GNL2: variants seen among roughly 807,000 people sequenced by gnomAD.
The protein encoded by GNL2 is G protein nucleolar 2.
Under a neutral mutation model 92.3 loss-of-function variants are expected in GNL2, and 51 were observed. The ratio of observed to expected loss-of-function variants is 0.55; its 90% CI spans 0.44 to 0.70. The LOEUF (loss-of-function observed/expected upper bound fraction) is 0.70. Among genes scored for constraint, GNL2 ranks in the 30% least tolerant of loss-of-function variants. The probability of loss-of-function intolerance (pLI) is 0.00; values close to 1 mark genes in which losing one functional copy is unlikely to be tolerated. For missense variants in GNL2, 844 were observed against 895.6 expected, an observed-to-expected ratio of 0.94 and a Z score of 0.74; for synonymous variants, 283 against 300.6, an observed-to-expected ratio of 0.94 and a Z score of 0.61.
At chr1:37,581,385 C>G (rs554259713) in intron 8 of GNL2, 3 of 455,952 alleles carry the variant, frequency 6.6e-6, no homozygotes, top group African/African-American at 6.0e-5. Flanking sequence ...TCTGGTTCCA[C>G]GGCTTCCCTC....
Position 37,588,827 on chromosome 1 carries a change from T to C in GNL2, c.385-1332A>G, listed in dbSNP as rs3766278. Among the ~76,000 whole-genome samples, 16 of 152,310 alleles carry C rather than the reference T, an allele frequency of 1.1e-4. No homozygotes were observed. The East Asian group carries it at 3.1e-3, about 29-fold the overall frequency. On this transcript the variant is annotated intron_variant, in intron 4 of 15. Coordinates refer to ENST00000373062, the MANE Select transcript of GNL2 (RefSeq NM_013285.3). ...TCTCAGAATTAGATTTTATAAGTAA[T>C]AGATATTACACTAAAATAAAATAGT...
intron 1 of GNL2, 115 bp downstream of exon 1, chr1:37,595,644 C>A: frequency 1.2e-6 from 1 of 846,918 alleles, no homozygotes; most frequent in Non-Finnish European, 2.0e-6. Flanking sequence ...CCACCCCGCT[C>A]GTAGTCATTC....
intron 4 of GNL2, among the ~76,000 whole-genome samples, chr1:37,590,474 T>C (rs563609686): frequency 1.1e-4 from 17 of 152,312 alleles, no homozygotes; most frequent in East Asian, 3.9e-4. Flanking sequence ...CAGGAAGGGA[T>C]AGAGCAAGGA....
At chr1:37,584,050 A>T (rs1643814007) in intron 5 of GNL2, 117 bp from the exon 6 acceptor site, 1 of 690,766 alleles carries the variant, frequency 1.4e-6, no homozygotes, top group African/African-American at 1.8e-5. Context: ...GAGATGGACC[A>T]GAAACAAACT....
intron 5 of GNL2, among the ~76,000 whole-genome samples, chr1:37,585,815 T>C (rs1192152802): frequency 1.3e-5 from 2 of 152,160 alleles, no homozygotes; most frequent in Middle Eastern, 3.2e-3. Context: ...GGACAATGCC[T>C]CTTCACTAAG....
intron 11 of GNL2, 86 bp downstream of exon 11, chr1:37,574,579 T>G: frequency 7.1e-7 from 1 of 1,403,796 alleles, no homozygotes; most frequent in East Asian, 2.3e-5. Context: ...ACACTGCTCA[T>G]ACATGCATAC....
At position 37,579,799 on chromosome 1, in the gene GNL2, G is replaced by A. The variant is rs537738392; in HGVS notation, c.909+2424C>T. Among the ~76,000 whole-genome samples, 3 of 149,906 alleles carry A rather than the reference G, an allele frequency of 2.0e-5. No homozygotes were observed. The East Asian group carries it at 5.9e-4, about 29-fold the overall frequency. ...CAGTCCCAGCTACTCGGGAGGCTGA[G>A]GCAGGAGAATCGCTTAAACCCGGGA... On this transcript the variant is annotated intron_variant, in intron 8 of 15. Coordinates refer to ENST00000373062, the MANE Select transcript of GNL2 (RefSeq NM_013285.3).
At chr1:37,583,508 G>C (rs1325534325) in intron 6 of GNL2, among the ~76,000 whole-genome samples, 1 of 152,180 alleles carries the variant, frequency 6.6e-6, no homozygotes, top group Non-Finnish European at 1.5e-5. Flanking sequence ...AACCTTTCTA[G>C]ACAGGAGTCC....
chr1:37,590,598 A>G (rs763066409), intron 4 of GNL2, 108 bp downstream of exon 4: 78 of 903,974 alleles, frequency 8.6e-5, no homozygotes, highest in Non-Finnish European at 1.3e-4. Flanking sequence ...TCATTGCTAC[A>G]TTAAAGTCAC....
chr1:37,572,400 C>T (rs1033240873), intron 12 of GNL2, among the ~76,000 whole-genome samples: 1 of 152,132 alleles, frequency 6.6e-6, no homozygotes, highest in Non-Finnish European at 1.5e-5. Context: ...ATGGGGGATG[C>T]GCTGGTCACC....
chr1:37,576,514 A>C lies in GNL2; in HGVS notation c.952T>G (p.Tyr318Asp). 1 of 1,614,102 alleles carries C rather than the reference A, an allele frequency of 6.2e-7. No individual in the cohort carries two copies. Among genetic ancestry groups the C allele is most frequent in the Non-Finnish European group, 8.5e-7 (1 of 1,179,896 alleles). ...KKQISVGFIG[Y>D]PNVGKSSVIN... is the part of the protein sequence containing the mutation. ...ACAGAGCTCTTGCCAACATTTGGAT[A>C]GCCAATGAACCCAACACTGATCTGT... Residue 318 changes from tyrosine to aspartate, a missense_variant, in exon 9 of 16, where the codon TAT (tyrosine) becomes GAT (aspartate). Coordinates refer to ENST00000373062, the MANE Select transcript of GNL2 (RefSeq NM_013285.3).
At chr1:37,577,460 A>G (rs1375298454) in intron 8 of GNL2, among the ~76,000 whole-genome samples, 2 of 152,186 alleles carry the variant, frequency 1.3e-5, no homozygotes, top group African/African-American at 4.8e-5. Flanking sequence ...CTCCACTAGA[A>G]TGACAGCAGT....
intron 12 of GNL2, among the ~76,000 whole-genome samples, chr1:37,571,859 G>GATACGGACATCCAGAATGACCCT (rs1643598984): frequency 6.6e-6 from 1 of 152,106 alleles, no homozygotes; most frequent in Non-Finnish European, 1.5e-5. Context: ...AGACAGCAGT[G>GATACGGACATCCAGAATGACCCT]ATACGGACAT....
chr1:37,570,962 T>A (rs1392643543), intron 12 of GNL2: 3 of 152,206 alleles, frequency 2.0e-5, no homozygotes, highest in Non-Finnish European at 4.4e-5. Flanking sequence ...TTAAAAGTGA[T>A]GTTCTAAAGT....
rs754023335 is a variant in GNL2, at chr1:37,568,837, G to C, written c.1868+14C>G. ...AATGAAAATCTGCAATTTGTGAGAA[G>C]ATGAAAATATTACCTGACTGCTGAA... On this transcript the variant is annotated intron_variant, in intron 13 of 15. Transcript: ENST00000373062. 6.3e-7 allele frequency: 1 copy of C among 1,593,304 alleles called. No homozygotes were observed. The highest frequency in any genetic ancestry group is 1.7e-5 in the Admixed American group (1 of 58,348).
At chr1:37,581,427 T>C (rs1022600703) in intron 8 of GNL2, 15 of 455,928 alleles carry the variant, frequency 3.3e-5, no homozygotes, top group Non-Finnish European at 6.6e-5. Context: ...GATCTGAAGC[T>C]TGAATTTTGG....
Position 37,569,245 on chromosome 1 carries a change from C to T in GNL2, c.1474G>A (p.Glu492Lys), listed in dbSNP as rs769261127. The T allele has an allele frequency of 1.2e-6, 2 of 1,613,520 alleles. No individual in the cohort carries two copies. Among genetic ancestry groups the T allele is most frequent in the South Asian group, 1.1e-5 (1 of 91,080 alleles). The change falls in exon 13 of 16, where the codon GAG becomes AAG. Residue 492 changes from glutamate to lysine, a missense_variant. By Grantham distance (56) the Glu-to-Lys change is moderately conservative (BLOSUM62 1). Transcript: ENST00000373062. ...TCACCTGCAGTTTCTGTGACTTCCT[C>T]CCCTGGATTGTTCTGGGCTGCTTCT... ...VPEAAQNNPG[E>K]EVTETAGEGS...
rs201012266 is a variant in GNL2 at position 37,595,755 on chromosome 1, G to A, written c.64+4C>T. 1.9e-6 allele frequency: 3 copies of A among 1,613,676 alleles called. No homozygotes were observed. The highest frequency in any genetic ancestry group is 1.7e-5 in the Admixed American group (1 of 60,016). ...CCACCCTCGATCAGCCCTGCCGCCTGTACCTGGGTTTGTGCTGGCCTTGGA... is the reference window on the plus strand; with the variant it reads ...CCACCCTCGATCAGCCCTGCCGCCTATACCTGGGTTTGTGCTGGCCTTGGA... On this transcript the variant is annotated splice_donor_region_variant and intron_variant, in intron 1 of 15. Coordinates refer to ENST00000373062, the MANE Select transcript of GNL2 (RefSeq NM_013285.3).
At chr1:37,581,812 G>A (rs540880510) in intron 8 of GNL2, among the ~76,000 whole-genome samples, 5 of 152,280 alleles carry the variant, frequency 3.3e-5, no homozygotes, top group African/African-American at 1.2e-4. Context: ...CTACAGGCGT[G>A]TGCCACCATG....
Sources: gnomAD v4.1 joint callset for allele counts (sites outside exome capture counted in the v4.1 genomes callset) on GRCh38, gnomAD v4.1.1 for gene constraint, MANE v1.5 for transcripts, NCBI Gene and HGNC (gene_info 2026-07-23, HGNC 2026-07-21) for gene names.